The following PCDHGB2 variants were observed in gnomAD, a reference collection of about 807,000 sequenced individuals.
PCDHGB2 encodes the protein protocadherin gamma subfamily B, 2, also known as protocadherin gamma-B2.
A neutral mutation model predicts 59.3 loss-of-function variants in PCDHGB2; 55 were observed. That is an observed-to-expected ratio of 0.93 (90% CI 0.75 to 1.16). The LOEUF (loss-of-function observed/expected upper bound fraction) is 1.16. Among genes scored for constraint, PCDHGB2 ranks in the 50% most tolerant of loss-of-function variants. The pLI is 0.00. For synonymous variants in PCDHGB2, 516 were observed against 512.0 expected, an observed-to-expected ratio of 1.01 and a Z score of -0.11; for missense variants, 1,228 against 1,198.5, an observed-to-expected ratio of 1.02 and a Z score of -0.36.
In PCDHGB2 at chr5:141,360,543, T is replaced by G. The variant is rs369225043; in HGVS notation, c.408T>G (p.Thr136=). The change falls in exon 1 of 4, where the codon ACT becomes ACG. Residue 136 remains threonine, a synonymous_variant. Transcript: ENST00000522605. ...ATAATACCCCGCTATTCAAACAGAC[T>G]AAGATTAATTTAAAAATTGGCGAAT... ...INDNTPLFKQ[T]KINLKIGEST... The G allele has an allele frequency of 2.5e-6, 4 of 1,613,952 alleles. No homozygotes were observed. Among genetic ancestry groups the G allele is most frequent in the Non-Finnish European group, 3.4e-6 (4 of 1,179,882 alleles).
intron 1 of PCDHGB2, chr5:141,375,931 T>C (rs746995876): frequency 6.2e-6 from 10 of 1,613,646 alleles, no homozygotes; most frequent in South Asian, 4.4e-5. Context: ...AGCCAGGACT[T>C]TTCTCAGTGG....
chr5:141,414,473 G>C lies in PCDHGB2; in HGVS notation c.2421+51917G>C, dbSNP rs371832510. 50 of 1,613,790 alleles carry C rather than the reference G, an allele frequency of 3.1e-5. No individual in the cohort carries two copies. The highest frequency in any genetic ancestry group is 4.1e-5 in the Non-Finnish European group (48 of 1,179,892). Reference sequence around the variant, plus strand: ...ACAGTGACAGCCACAGATGGGGGAAGTCCTCCTCTATCAACGGAAGCTCAC... The same window carrying C: ...ACAGTGACAGCCACAGATGGGGGAACTCCTCCTCTATCAACGGAAGCTCAC... On this transcript the variant is annotated intron_variant, in intron 1 of 3. Transcript: ENST00000522605.
intron 1 of PCDHGB2, among the ~76,000 whole-genome samples, chr5:141,471,163 G>GC (rs202115056): frequency 0.11 from 16,237 of 150,562 alleles, 892 homozygotes; most frequent in South Asian, 0.15. Context: ...GATTCTCCTG[G>GC]CTCAGCCTCC....
chr5:141,399,495 T>C, intron 1 of PCDHGB2: 1 of 1,614,034 alleles, frequency 6.2e-7, no homozygotes, highest in Non-Finnish European at 8.5e-7. Context: ...ACTTAGTCAG[T>C]GTACCCGAAA....
At chr5:141,426,655 A>C (rs2096950037) in intron 1 of PCDHGB2, 1 of 424,748 alleles carries the variant, frequency 2.4e-6, no homozygotes, top group Non-Finnish European at 4.8e-6. Flanking sequence ...ATGATAGAAG[A>C]TATAAATGAT....
chr5:141,384,922 C>A (rs760972840), intron 1 of PCDHGB2: 1 of 1,614,018 alleles, frequency 6.2e-7, no homozygotes, highest in African/African-American at 1.3e-5. Context: ...CTTGGCCGAC[C>A]TGGGCAGCCT....
Position 141,361,539 on chromosome 5 carries a change from C to A in PCDHGB2, c.1404C>A (p.Gly468=), listed in dbSNP as rs754978831. 5.0e-6 allele frequency: 8 copies of A among 1,613,910 alleles called. No individual in the cohort carries two copies. The highest frequency in any genetic ancestry group is 1.3e-5 in the African/African-American group (1 of 74,932). Residue 468 remains glycine (G), a synonymous_variant, in exon 1 of 4, where the codon GGC becomes GGA. Coordinates refer to ENST00000522605, the MANE Select transcript of PCDHGB2 (RefSeq NM_018923.3). Reference sequence around the variant, plus strand: ...ACGTGGCAGAGAACAATCCTCCTGGCGCCTCTATCGCTCAAATCAGTGCCT... The same window carrying A: ...ACGTGGCAGAGAACAATCCTCCTGGAGCCTCTATCGCTCAAATCAGTGCCT... ...MVHVAENNPP[G]ASIAQISASD... is the part of the protein sequence containing the mutation.
At chr5:141,497,101 G>A (rs1465038195) in intron 2 of PCDHGB2, among the ~76,000 whole-genome samples, 1 of 152,042 alleles carries the variant, frequency 6.6e-6, no homozygotes, top group African/African-American at 2.4e-5. Flanking sequence ...AGGCAGAACT[G>A]CTTGAACCCG....
chr5:141,510,986 G>A lies in PCDHGB2; in HGVS notation c.2609G>A (p.Gly870Asp), dbSNP rs754203270. The A allele has an allele frequency of 6.2e-7, 1 of 1,614,166 alleles. No individual in the cohort carries two copies. The highest frequency in any genetic ancestry group is 8.5e-7 in the Non-Finnish European group (1 of 1,180,012). The change falls in exon 4 of 4, where the codon GGC becomes GAC. Residue 870 changes from glycine to aspartate, a missense_variant. Physicochemically the swap from Gly to Asp is moderately conservative, Grantham distance 94. Around this residue, in one of 3 missense-constraint regions of PCDHGB2, gnomAD observed 433 missense variants for 441.8 expected, o/e 0.98. Transcript: ENST00000522605. ...DGSSTLGGGA[G>D]TMGLSARYGP... ...AGCTCCACCCTGGGAGGGGGTGCCG[G>A]CACCATGGGATTGAGCGCCCGCTAC... is the stretch of plus-strand genomic sequence containing the variant.
chr5:141,366,278 G>A, intron 1 of PCDHGB2: 1 of 1,613,712 alleles, frequency 6.2e-7, no homozygotes. Flanking sequence ...CGAAGACCAT[G>A]GCCAGCCCCC....
chr5:141,400,657 T>G (rs2094057580), intron 1 of PCDHGB2: 1 of 1,081,498 alleles, frequency 9.2e-7, no homozygotes, highest in African/African-American at 1.6e-5. Context: ...TGTCCTACCA[T>G]TCTTTAAGAG....
At chr5:141,386,849 C>G (rs1259863561) in intron 1 of PCDHGB2, among the ~76,000 whole-genome samples, 1 of 152,200 alleles carries the variant, frequency 6.6e-6, no homozygotes, top group Non-Finnish European at 1.5e-5. Context: ...AATCACTAAA[C>G]TCAGTGAGCT....
At chr5:141,409,034 AACT>A in intron 1 of PCDHGB2, 6 of 1,613,992 alleles carry the variant, frequency 3.7e-6, no homozygotes, top group Non-Finnish European at 4.2e-6. Flanking sequence ...TGCTGAGATA[AACT>A]ACTACTTCCG....
chr5:141,361,129 A>G lies in PCDHGB2; in HGVS notation c.994A>G (p.Ser332Gly). 1 of 1,614,024 alleles carries G rather than the reference A, an allele frequency of 6.2e-7. No individual in the cohort carries two copies. Among genetic ancestry groups the G allele is most frequent in the Non-Finnish European group, 8.5e-7 (1 of 1,179,896 alleles). ...TCCTGGAGATCTAGCAGCCCACTGC[A>G]GTATCCAAGTTGAAATTCTTGATGA... is the stretch of plus-strand genomic sequence containing the variant. Reference protein sequence around the residue: ...KDPGDLAAHCSIQVEILDDND... With the variant: ...KDPGDLAAHCGIQVEILDDND... Residue 332 changes from serine (S) to glycine (G), a missense_variant, in exon 1 of 4, where the codon AGT (serine) becomes GGT (glycine). Ser to Gly is a moderately conservative substitution (Grantham distance 56). Around this residue, in one of 3 missense-constraint regions of PCDHGB2, gnomAD observed 781 missense variants for 721.6 expected, o/e 1.08. Transcript: ENST00000522605.
intron 1 of PCDHGB2, among the ~76,000 whole-genome samples, chr5:141,472,994 A>AAAAG (rs1425445230): frequency 1.3e-5 from 2 of 151,692 alleles, no homozygotes; most frequent in Non-Finnish European, 2.9e-5. Context: ...AAAAAAAAAA[A>AAAAG]AAAGAAAGAA....
intron 1 of PCDHGB2, chr5:141,419,373 T>C: frequency 1.9e-6 from 3 of 1,613,754 alleles, no homozygotes; most frequent in Non-Finnish European, 2.5e-6. Context: ...TCGTCCTACG[T>C]GTCCGTGAGC....
intron 1 of PCDHGB2, chr5:141,389,849 T>C (rs773205213): frequency 6.2e-7 from 1 of 1,614,066 alleles, no homozygotes; most frequent in South Asian, 1.1e-5. Context: ...TCTCGGCCAC[T>C]GCCACGTTGC....
intron 1 of PCDHGB2, chr5:141,430,693 C>A: frequency 1.4e-6 from 2 of 1,425,428 alleles, no homozygotes; most frequent in Admixed American, 2.6e-5. Context: ...ATTCTATGGG[C>A]GAAGGAACTG....
chr5:141,389,171 C>G (rs772221999), intron 1 of PCDHGB2: 11 of 1,613,892 alleles, frequency 6.8e-6, no homozygotes, highest in Admixed American at 3.3e-5. Context: ...GCAAGCCTCC[C>G]CTCTCCTCCA....
Sources: allele counts gnomAD v4.1 joint callset (sites outside exome capture counted in the v4.1 genomes callset), GRCh38; gene constraint gnomAD v4.1.1; regional missense constraint gnomAD v4.1.1; transcripts MANE v1.5; gene names NCBI Gene and HGNC (gene_info 2026-07-23, HGNC 2026-07-21).